KLHL7: variants seen among roughly 807,000 people sequenced by gnomAD.
KLHL7 encodes kelch like family member 7.
In KLHL7, 44 loss-of-function variants were observed where a neutral mutation model predicts 67.4. The ratio of observed to expected loss-of-function variants is 0.65; its 90% CI spans 0.51 to 0.84. The LOEUF is 0.84. Ranked by LOEUF, KLHL7 falls within the 40% of genes least tolerant of loss-of-function variation. The pLI is 0.00. For missense variants in KLHL7, 362 were observed against 718.1 expected, an observed-to-expected ratio of 0.50 and a Z score of 5.67; for synonymous variants, 252 against 243.3, an observed-to-expected ratio of 1.04 and a Z score of -0.33.
intron 5 of KLHL7, 22 bp from the exon 6 acceptor site, chr7:23,143,829 C>T (rs763829048): frequency 4.3e-6 from 7 of 1,612,728 alleles, no homozygotes; most frequent in Admixed American, 1.7e-5. Context: ...AAGAACTTTA[C>T]TGTGCTGTTT....
At chr7:23,112,910 T>C (rs983954157) in intron 1 of KLHL7, among the ~76,000 whole-genome samples, 11 of 152,112 alleles carry the variant, frequency 7.2e-5, no homozygotes, top group African/African-American at 2.7e-4. Context: ...CTTTAAAAAC[T>C]AGTGGGAAAA....
intron 6 of KLHL7, among the ~76,000 whole-genome samples, chr7:23,146,666 C>CTT (rs141759768): frequency 5.5e-5 from 8 of 145,846 alleles, no homozygotes; most frequent in East Asian, 2.0e-4. Context: ...TCTTCTTCTT[C>CTT]TTTTTTTTTT....
chr7:23,111,692 C>T (rs1009382442), intron 1 of KLHL7, among the ~76,000 whole-genome samples: 3 of 151,756 alleles, frequency 2.0e-5, no homozygotes, highest in African/African-American at 2.4e-5. Context: ...CATAGTCGCA[C>T]GTGCCTGTAG....
chr7:23,173,977 A>G (rs1168780840), intron 10 of KLHL7, 38 bp from the exon 11 acceptor site: 2 of 1,592,260 alleles, frequency 1.3e-6, no homozygotes, highest in Admixed American at 1.7e-5. Flanking sequence ...AATTGTTGAT[A>G]TAGTTTTTCA....
chr7:23,126,351 C>T (rs568433031), intron 4 of KLHL7, among the ~76,000 whole-genome samples: 1 of 152,212 alleles, frequency 6.6e-6, no homozygotes, highest in African/African-American at 2.4e-5. Flanking sequence ...GAAAGCAAAA[C>T]CATGGATAAG....
chr7:23,166,370 T>C (rs867961108), intron 8 of KLHL7, among the ~76,000 whole-genome samples: 4 of 152,206 alleles, frequency 2.6e-5, no homozygotes, highest in African/African-American at 9.6e-5. Flanking sequence ...TGTTTTATTC[T>C]TTAAGTTTTT....
At chr7:23,142,181 A>G (rs1465280581) in intron 5 of KLHL7, among the ~76,000 whole-genome samples, 1 of 152,194 alleles carries the variant, frequency 6.6e-6, no homozygotes, top group African/African-American at 2.4e-5. Flanking sequence ...GATGTGAGCC[A>G]CCATGCCTGG....
intron 7 of KLHL7, among the ~76,000 whole-genome samples, chr7:23,159,322 C>A (rs931318956): frequency 6.6e-6 from 1 of 152,212 alleles, no homozygotes; most frequent in Non-Finnish European, 1.5e-5. Flanking sequence ...CATCACCACA[C>A]ATGGCCATTT....
intron 4 of KLHL7, among the ~76,000 whole-genome samples, chr7:23,136,955 G>A (rs896766509): frequency 6.6e-6 from 1 of 151,930 alleles, no homozygotes; most frequent in Admixed American, 6.6e-5. Flanking sequence ...AAAATAATTT[G>A]TAAACACCTA....
chr7:23,112,456 A>G (rs1782914200), intron 1 of KLHL7, among the ~76,000 whole-genome samples: 1 of 152,228 alleles, frequency 6.6e-6, no homozygotes, highest in Admixed American at 6.5e-5. Context: ...AGCTGTGAAG[A>G]GTCAAGAGTC....
chr7:23,110,142 T>C (rs949471247), intron 1 of KLHL7, among the ~76,000 whole-genome samples: 3 of 152,202 alleles, frequency 2.0e-5, no homozygotes, highest in Non-Finnish European at 4.4e-5. Flanking sequence ...TGTTTTACTA[T>C]TTTCCTCCAA....
chr7:23,175,516 G>A lies in KLHL7; in HGVS notation c.*1218G>A. ...CTTAATTTTCAGTTTTCTTTATATA[G>A]AGGTTATAATAGTCTTAAACCCTAA... On this transcript the variant is annotated 3_prime_UTR_variant, in exon 11 of 11. Coordinates refer to ENST00000339077, the MANE Select transcript of KLHL7 (RefSeq NM_001031710.3). 2.7e-6 allele frequency: 1 copy of A among 365,364 alleles called. No homozygotes were observed. Among genetic ancestry groups the A allele is most frequent in the African/African-American group, 2.1e-5 (1 of 47,006 alleles). The allele number at this position is 365,364 out of a possible 1,614,324, so 22.6% of individuals were successfully genotyped here.
At chr7:23,110,462 A>G (rs189256625) in intron 1 of KLHL7, among the ~76,000 whole-genome samples, 130 of 152,198 alleles carry the variant, frequency 8.5e-4, no homozygotes, top group Middle Eastern at 3.4e-3. Context: ...GATTCTTGCT[A>G]TTAGCACTTA....
At chr7:23,146,031 C>T (rs1215868526) in intron 6 of KLHL7, among the ~76,000 whole-genome samples, 1 of 152,204 alleles carries the variant, frequency 6.6e-6, no homozygotes, top group Admixed American at 6.5e-5. Flanking sequence ...AGTGCCTGGC[C>T]TTAATCCATG....
chr7:23,174,269 G>A lies in KLHL7; in HGVS notation c.1732G>A (p.Gly578Arg). The change falls in exon 11 of 11, where the codon GGA becomes AGA. Residue 578 changes from glycine (G) to arginine (R), a missense_variant. Physicochemically the swap from Gly to Arg is moderately radical, Grantham distance 125 (BLOSUM62 -2). Around this residue, in one of 5 missense-constraint regions of KLHL7, gnomAD observed 136 missense variants for 252.7 expected, o/e 0.54. Coordinates refer to ENST00000339077, the MANE Select transcript of KLHL7 (RefSeq NM_001031710.3). ...SCLICVVDTC[G>R]ANEETLET ...TTTAATTTGTGTTGTCGATACTTGTGGAGCAAATGAAGAGACCCTTGAAAC... is the reference window on the plus strand; with the variant it reads ...TTTAATTTGTGTTGTCGATACTTGTAGAGCAAATGAAGAGACCCTTGAAAC... 6.2e-7 allele frequency: 1 copy of A among 1,614,106 alleles called. No individual in the cohort carries two copies. Among genetic ancestry groups the A allele is most frequent in the Middle Eastern group, 1.7e-4 (1 of 6,060 alleles).
At chr7:23,148,373 T>C (rs1784424129) in intron 6 of KLHL7, among the ~76,000 whole-genome samples, 1 of 147,000 alleles carries the variant, frequency 6.8e-6, no homozygotes. Flanking sequence ...CAAATACCTA[T>C]ATTTAAGGGG....
Position 23,177,168 on chromosome 7 carries a change from C to T in KLHL7, c.*2870C>T, listed in dbSNP as rs1288536806. On this transcript the variant is annotated 3_prime_UTR_variant, in exon 11 of 11. Coordinates refer to ENST00000339077, the MANE Select transcript of KLHL7 (RefSeq NM_001031710.3). ...ATAGCCCTAGGCAACCACTAATCTA[C>T]TTTCTGTCTCTAGATTTGATTATTC... 1 of 152,210 alleles carries T rather than the reference C, an allele frequency of 6.6e-6. No homozygotes were observed. The highest frequency in any genetic ancestry group is 1.5e-5 in the Non-Finnish European group (1 of 68,038). The allele number at this position is 152,210 out of a possible 1,614,324, so 9.4% of individuals were successfully genotyped here.
intron 1 of KLHL7, among the ~76,000 whole-genome samples, chr7:23,109,372 T>C (rs1386411994): frequency 6.6e-6 from 1 of 152,272 alleles, no homozygotes; most frequent in African/African-American, 2.4e-5. Context: ...ACAGTCACTA[T>C]TGCACATGCA....
chr7:23,129,399 CT>C (rs1783710492), intron 4 of KLHL7: 2 of 389,208 alleles, frequency 5.1e-6, no homozygotes, highest in Non-Finnish European at 5.1e-6. Flanking sequence ...TACGACTCGG[CT>C]GGCCCTTCAT....
Sources: allele counts gnomAD v4.1 joint callset (sites outside exome capture counted in the v4.1 genomes callset), GRCh38; gene constraint gnomAD v4.1.1; regional missense constraint gnomAD v4.1.1; transcripts MANE v1.5; gene names NCBI Gene and HGNC (gene_info 2026-07-23, HGNC 2026-07-21).